The following CAMSAP2 variants were observed in gnomAD, a reference collection of about 807,000 sequenced individuals.
CAMSAP2 encodes the protein calmodulin-regulated spectrin-associated protein 2.
In CAMSAP2, 26 loss-of-function variants were observed where a neutral mutation model predicts 146.1. That is an observed-to-expected ratio of 0.18 (90% CI 0.13 to 0.25). CAMSAP2 has a LOEUF of 0.25. Ranked by LOEUF, CAMSAP2 falls within the 10% of genes least tolerant of loss-of-function variation. The pLI is 1.00. For synonymous variants in CAMSAP2, 499 were observed against 596.6 expected (o/e 0.84, Z 2.38); for missense variants, 1,381 against 1,759.3 (o/e 0.78, Z 3.85).
At chr1:200,761,171 A>G in intron 2 of CAMSAP2, 73 bp downstream of exon 2, 1 of 1,341,390 alleles carries the variant, frequency 7.5e-7, no homozygotes, top group Admixed American at 1.9e-5. Flanking sequence ...TATACTGTAA[A>G]ACAGAGGGAA....
chr1:200,788,041 C>T (rs1235987165), intron 2 of CAMSAP2, among the ~76,000 whole-genome samples: 1 of 152,002 alleles, frequency 6.6e-6, no homozygotes, highest in African/African-American at 2.4e-5. Context: ...AATTGTGTGA[C>T]CCGGTTTATT....
intron 2 of CAMSAP2, among the ~76,000 whole-genome samples, chr1:200,796,817 C>G (rs1356025480): frequency 6.6e-6 from 1 of 151,926 alleles, no homozygotes; most frequent in Non-Finnish European, 1.5e-5. Flanking sequence ...GCTATCCCTC[C>G]CCTCTCCCCC....
intron 2 of CAMSAP2, among the ~76,000 whole-genome samples, chr1:200,802,158 C>G (rs1666051556): frequency 6.6e-6 from 1 of 152,110 alleles, no homozygotes; most frequent in Non-Finnish European, 1.5e-5. Context: ...TTGTCAATAT[C>G]AGAAGTTTAG....
intron 1 of CAMSAP2, among the ~76,000 whole-genome samples, chr1:200,753,490 T>C (rs1479200609): frequency 6.6e-6 from 1 of 152,032 alleles, no homozygotes. Flanking sequence ...TGCTGGGCCC[T>C]GGTTTAGCAG....
In CAMSAP2 at chr1:200,847,277, C is replaced by T; in HGVS notation, c.1177C>T (p.His393Tyr). ...TTCTAGGTATTCACGTCCCCAGGCT[C>T]ATTCTTCAGCCTCAGGTAATATATT... Reference protein sequence around the residue: ...LPSRYSRPQAHSSASGGIRRS... With the variant: ...LPSRYSRPQAYSSASGGIRRS... Residue 393 changes from histidine (H) to tyrosine (Y), a missense_variant, in exon 9 of 17, where the codon CAT becomes TAT. His to Tyr is a moderately conservative substitution (Grantham distance 83, BLOSUM62 2). Transcript: ENST00000358823. 1 of 1,609,946 alleles carries T rather than the reference C, an allele frequency of 6.2e-7. No individual in the cohort carries two copies. The highest frequency in any genetic ancestry group is 8.5e-7 in the Non-Finnish European group (1 of 1,177,200).
rs1044561187 is a variant in CAMSAP2 at position 200,739,006 on chromosome 1, T to C, written c.-822T>C. Among the ~76,000 whole-genome samples the C allele has an allele frequency of 4.0e-5, 6 of 150,820 alleles. No homozygotes were observed. Among genetic ancestry groups the C allele is most frequent in the African/African-American group, 1.5e-4 (6 of 40,826 alleles). The stretch of plus-strand genomic sequence containing the variant: ...TGCAGAAAGGGGGGCAGGAAAAAAT[T>C]ACAAGGACATTACTGATAAGACAGG... On this transcript the variant is annotated 5_prime_UTR_variant, in exon 1 of 17. Coordinates refer to ENST00000358823, the MANE Select transcript of CAMSAP2 (RefSeq NM_203459.4). The surrounding 1 kb of genome is among the most constrained non-coding windows in gnomAD (Gnocchi z 4.8).
intron 2 of CAMSAP2, among the ~76,000 whole-genome samples, chr1:200,793,368 TG>T (rs1665804629): frequency 1.3e-5 from 2 of 152,134 alleles, no homozygotes; most frequent in African/African-American, 2.4e-5. Context: ...ATTTCTAGGG[TG>T]TTTTTTTAAT....
In CAMSAP2 at chr1:200,832,871, C is replaced by T. The variant is rs1667080034; in HGVS notation, c.927+26C>T. 6.5e-7 allele frequency: 1 copy of T among 1,538,772 alleles called. No homozygotes were observed. Among genetic ancestry groups the T allele is most frequent in the Admixed American group, 2.1e-5 (1 of 47,494 alleles). ...GTAAATTAAATTATTCTTTTTTTCC[C>T]TTTGCTTTGTTAAAATATGTTTTTT... On this transcript the variant is annotated intron_variant, in intron 6 of 16. Transcript: ENST00000358823. The surrounding 1 kb of genome is among the most constrained non-coding windows in gnomAD (Gnocchi z 4.2).
In CAMSAP2 at chr1:200,857,402, G is replaced by T. The variant is rs1431005463; in HGVS notation, c.4109G>T (p.Gly1370Val). 3.7e-6 allele frequency: 6 copies of T among 1,611,372 alleles called. No homozygotes were observed. In the Admixed American group the frequency reaches 1.0e-4, roughly 27 times the overall value. The change falls in exon 16 of 17, where the codon GGT (glycine) becomes GTT (valine). Residue 1370 changes from glycine (G) to valine (V), a missense_variant. Transcript: ENST00000358823. This position sits in a 1 kb window ranked among gnomAD's most constrained non-coding sequence, Gnocchi z 4.7. ...HCCLAGKVNE[G>V]QKKKILEEME... Reference sequence around the variant, plus strand: ...TGTTTGGCTGGAAAAGTAAATGAAGGTCAGAAGAAAAAAATACTGGAGGTA... The same window carrying T: ...TGTTTGGCTGGAAAAGTAAATGAAGTTCAGAAGAAAAAAATACTGGAGGTA...
chr1:200,848,273 G>A lies in CAMSAP2; in HGVS notation c.1504G>A (p.Val502Met), dbSNP rs772200641. The stretch of plus-strand genomic sequence containing the variant: ...TTCTCACAGTGACCTCAAATCTTGT[G>A]TGCCCCTTAACACAAATGAACTAAA... ...IDSHSDLKSC[V>M]PLNTNELNSN... Residue 502 changes from valine (V) to methionine (M), a missense_variant, in exon 11 of 17, where the codon GTG (valine) becomes ATG (methionine). Coordinates refer to ENST00000358823, the MANE Select transcript of CAMSAP2 (RefSeq NM_203459.4). The A allele has an allele frequency of 2.0e-5, 32 of 1,613,244 alleles. No individual in the cohort carries two copies. The highest frequency in any genetic ancestry group is 2.7e-5 in the African/African-American group (2 of 74,840).
chr1:200,773,900 A>C (rs1665190257), intron 2 of CAMSAP2, among the ~76,000 whole-genome samples: 2 of 36,142 alleles, frequency 5.5e-5, no homozygotes, highest in African/African-American at 9.7e-5. Flanking sequence ...AATAAAATAA[A>C]ATAAAATAAA....
At chr1:200,829,567 G>A (rs1666989395) in intron 4 of CAMSAP2, among the ~76,000 whole-genome samples, 1 of 152,066 alleles carries the variant, frequency 6.6e-6, no homozygotes, top group African/African-American at 2.4e-5. Flanking sequence ...ATTTAAATAT[G>A]GGGATGGGTG....
At chr1:200,760,639 T>G (rs1484555613) in intron 1 of CAMSAP2, among the ~76,000 whole-genome samples, 200 bp from the exon 2 acceptor site, 1 of 152,242 alleles carries the variant, frequency 6.6e-6, no homozygotes, top group Non-Finnish European at 1.5e-5. Flanking sequence ...AGAAAGTATC[T>G]TCTGTAAAGG....
rs773161107 is a variant in CAMSAP2 at position 200,739,944 on chromosome 1, G to T, written c.117G>T (p.Leu39=). ...RAKIACNLAW[L]VAKAFGTENV... ...AAATCGCCTGCAATCTGGCCTGGCTGGTGGCCAAAGCCTTTGGGACAGGTT... is the reference window on the plus strand; with the variant it reads ...AAATCGCCTGCAATCTGGCCTGGCTTGTGGCCAAAGCCTTTGGGACAGGTT... Residue 39 remains leucine, a synonymous_variant, in exon 1 of 17, where the codon CTG becomes CTT. Transcript: ENST00000358823. The surrounding 1 kb of genome is among the most constrained non-coding windows in gnomAD (Gnocchi z 4.8). 2 of 1,614,032 alleles carry T rather than the reference G, an allele frequency of 1.2e-6. No homozygotes were observed. The highest frequency in any genetic ancestry group is 1.7e-6 in the Non-Finnish European group (2 of 1,180,020).
In CAMSAP2 at chr1:200,858,218, T is replaced by C. The variant is rs1018506399; in HGVS notation, c.*159T>C. On this transcript the variant is annotated 3_prime_UTR_variant, in exon 17 of 17. Transcript: ENST00000358823. ...CAACTGGAATGTAAACCACAGTATT[T>C]TGGAGTGCAGAACATTCTCAATTAA... 1 of 592,680 alleles carries C rather than the reference T, an allele frequency of 1.7e-6. No homozygotes were observed. 36.7% of individuals were successfully genotyped at this position (592,680 alleles called of 1,614,324 possible). A position where few individuals can be genotyped will look rare whatever the true frequency, so the allele number is the denominator to read the frequency against.
Position 200,857,091 on chromosome 1 carries a change from G to T in CAMSAP2, c.4013-215G>T, listed in dbSNP as rs899004795. Among the ~76,000 whole-genome samples, 33 of 151,958 alleles carry T rather than the reference G, an allele frequency of 2.2e-4. No individual in the cohort carries two copies. The highest frequency in any genetic ancestry group is 8.0e-4 in the African/African-American group (33 of 41,346). The stretch of plus-strand genomic sequence containing the variant: ...TTTATTTTTAGTACTGCTCTCACAG[G>T]GTACTCCAAAAGGCCATAGGAACAT... On this transcript the variant is annotated intron_variant, in intron 15 of 16. Transcript: ENST00000358823. This position sits in a 1 kb window ranked among gnomAD's most constrained non-coding sequence, Gnocchi z 4.7.
Position 200,848,788 on chromosome 1 carries a change from G to A in CAMSAP2, c.2019G>A (p.Gln673=), listed in dbSNP as rs927142815. ...CAAGTACTGTAAGTACCAAGTCTCA[G>A]CCAGGCAGCAGTGCTTCTTCTAGTT... ...PCPSTVSTKS[Q]PGSSASSSSG... The change falls in exon 11 of 17, where the codon CAG becomes CAA. Residue 673 remains glutamine (Q), a synonymous_variant. Coordinates refer to ENST00000358823, the MANE Select transcript of CAMSAP2 (RefSeq NM_203459.4). 1 of 1,614,164 alleles carries A rather than the reference G, an allele frequency of 6.2e-7. No homozygotes were observed. Among genetic ancestry groups the A allele is most frequent in the South Asian group, 1.1e-5 (1 of 91,084 alleles).
chr1:200,854,875 C>T lies in CAMSAP2; in HGVS notation c.3882C>T (p.Gly1294=). The stretch of plus-strand genomic sequence containing the variant: ...GTGATAACGAGAGTGTACATTCAGG[C>T]AAGAGGACGCCAAGGTAAATCTATA... The part of the protein sequence containing the change: ...NTGDNESVHS[G]KRTPRSESVE... The change falls in exon 14 of 17, where the codon GGC becomes GGT. Residue 1294 remains glycine (G), a synonymous_variant. Coordinates refer to ENST00000358823, the MANE Select transcript of CAMSAP2 (RefSeq NM_203459.4). The T allele has an allele frequency of 6.2e-7, 1 of 1,608,904 alleles. No individual in the cohort carries two copies. Among genetic ancestry groups the T allele is most frequent in the Non-Finnish European group, 8.5e-7 (1 of 1,176,986 alleles).
intron 2 of CAMSAP2, among the ~76,000 whole-genome samples, chr1:200,775,652 C>T (rs1665250019): frequency 6.6e-6 from 1 of 152,104 alleles, no homozygotes; most frequent in Non-Finnish European, 1.5e-5. Context: ...GCCTCAGTCT[C>T]CCAAGTAGCT....
Sources: gnomAD v4.1 joint callset for allele counts (sites outside exome capture counted in the v4.1 genomes callset) on GRCh38, gnomAD v4.1.1 for gene constraint, Gnocchi (gnomAD v3.1) non-coding constraint, MANE v1.5 for transcripts, NCBI Gene and HGNC (gene_info 2026-07-23, HGNC 2026-07-21) for gene names.